The following DICER1 variants were observed in gnomAD, a reference collection of about 807,000 sequenced individuals.
DICER1 encodes endoribonuclease Dicer.
A neutral mutation model predicts 194.1 loss-of-function variants in DICER1; 43 were observed. The observed-to-expected ratio is 0.22, with a 90% confidence interval of 0.17 to 0.29. DICER1 has a LOEUF of 0.29. Ranked by LOEUF, DICER1 falls within the 10% of genes least tolerant of loss-of-function variation. The pLI, the probability that DICER1 is intolerant of heterozygous loss-of-function variation, is 1.00. For missense variants in DICER1, 1,608 were observed against 2,317.0 expected (o/e 0.69, Z 6.28); for synonymous variants, 832 against 820.5 (o/e 1.01, Z -0.24).
chr14:95,116,778 A>G, intron 9 of DICER1, 83 bp from the exon 10 acceptor site: 9 of 1,368,928 alleles, frequency 6.6e-6, no homozygotes, highest in Non-Finnish European at 9.3e-6. Flanking sequence ...GTAAATGACA[A>G]CTGTCATTTC....
rs141723381 is a variant in DICER1, at chr14:95,113,032, G to GA, written c.2040+59dup. Reference sequence around the variant, plus strand: ...ATAACTTGCAAGTCTTAGAAAAGCTGAAAAAATCCACTAATGACACATTTT... The same window carrying GA: ...ATAACTTGCAAGTCTTAGAAAAGCTGAAAAAAATCCACTAATGACACATTTT... On this transcript the variant is annotated intron_variant, in intron 12 of 26. Coordinates refer to ENST00000343455, the MANE Select transcript of DICER1 (RefSeq NM_177438.3). The GA allele has an allele frequency of 0.012, 18,986 of 1,570,100 alleles. 1,922 individuals carry two copies. The African/African-American group carries it at 0.22, about 18-fold the overall frequency.
chr14:95,092,944 C>T (rs757248647), intron 24 of DICER1, among the ~76,000 whole-genome samples: 7 of 152,176 alleles, frequency 4.6e-5, no homozygotes, highest in South Asian at 2.1e-4. Flanking sequence ...AGCACAGAGG[C>T]GCGTTAAAGT....
chr14:95,106,973 C>T (rs1322341786), intron 17 of DICER1, among the ~76,000 whole-genome samples: 5 of 151,826 alleles, frequency 3.3e-5, no homozygotes, highest in Non-Finnish European at 4.4e-5. Flanking sequence ...TTATCTATAA[C>T]GTTTTAGGTA....
chr14:95,123,733 T>C (rs531012829), intron 8 of DICER1, among the ~76,000 whole-genome samples: 19 of 152,200 alleles, frequency 1.2e-4, no homozygotes, highest in Admixed American at 4.6e-4. Flanking sequence ...ATCCATATTT[T>C]TAAGAGAAAA....
rs913199641 is a variant in DICER1, at chr14:95,127,763, C to T, written c.735-1015G>A. Among the ~76,000 whole-genome samples, 14 of 152,248 alleles carry T rather than the reference C, an allele frequency of 9.2e-5. 1 individual carries two copies. The highest frequency in any genetic ancestry group is 1.5e-5 in the Non-Finnish European group (1 of 68,044). ...CCTGTTAGGTCTCAAGAAATGACCA[C>T]AGGGGCTGATATTCAAATAATTTTG... is the stretch of plus-strand genomic sequence containing the variant. On this transcript the variant is annotated intron_variant, in intron 6 of 26. Transcript: ENST00000343455.
chr14:95,105,273 A>G lies in DICER1; in HGVS notation c.3094-27T>C. 2 of 1,598,374 alleles carry G rather than the reference A, an allele frequency of 1.3e-6. No homozygotes were observed. Among genetic ancestry groups the G allele is most frequent in the Non-Finnish European group, 1.7e-6 (2 of 1,165,750 alleles). On this transcript the variant is annotated intron_variant, in intron 19 of 26. Coordinates refer to ENST00000343455, the MANE Select transcript of DICER1 (RefSeq NM_177438.3). The surrounding 1 kb of genome is among the most constrained non-coding windows in gnomAD (Gnocchi z 4.9). ...TTCAAGTAAGGGGAAAAATGGACAG[A>G]TAAATACAAAGCGCACACACAAAAG...
At chr14:95,091,924 A>T (rs931665605) in intron 24 of DICER1, among the ~76,000 whole-genome samples, 2 of 152,244 alleles carry the variant, frequency 1.3e-5, no homozygotes, top group African/African-American at 4.8e-5. Context: ...TATCTGACAT[A>T]GCATGTATGC....
chr14:95,116,830 G>A (rs1046273612), intron 9 of DICER1, 135 bp from the exon 10 acceptor site: 2 of 890,984 alleles, frequency 2.2e-6, no homozygotes, highest in African/African-American at 1.7e-5. Context: ...TTAAGGCCAG[G>A]CTAAAGAAGA....
At chr14:95,134,676 G>C (rs1369521670) in intron 1 of DICER1, among the ~76,000 whole-genome samples, 3 of 152,098 alleles carry the variant, frequency 2.0e-5, no homozygotes, top group African/African-American at 7.2e-5. Context: ...TAATTCTGTT[G>C]ACAAGAATTC....
In DICER1 at chr14:95,105,297, A is replaced by AC; in HGVS notation, c.3094-52_3094-51insG. 1.3e-6 allele frequency: 2 copies of AC among 1,511,284 alleles called. No individual in the cohort carries two copies. Among genetic ancestry groups the AC allele is most frequent in the Non-Finnish European group, 1.8e-6 (2 of 1,091,422 alleles). The allele number at this position is 1,511,284 out of a possible 1,614,324, so 93.6% of individuals were successfully genotyped here. ...GATAAATACAAAGCGCACACACAAA[A>AC]GAAAAAAAAAAAGACCAATTTCACT... On this transcript the variant is annotated intron_variant, in intron 19 of 26. Coordinates refer to ENST00000343455, the MANE Select transcript of DICER1 (RefSeq NM_177438.3). This position sits in a 1 kb window ranked among gnomAD's most constrained non-coding sequence, Gnocchi z 4.9.
intron 17 of DICER1, 147 bp from the exon 18 acceptor site, chr14:95,106,370 A>G: frequency 1.5e-6 from 1 of 672,286 alleles, no homozygotes; most frequent in Non-Finnish European, 2.6e-6. Flanking sequence ...TTCCAAATAT[A>G]TTTCAAGTAT....
In DICER1 at chr14:95,115,712, C is replaced by G. The variant is rs1369399401; in HGVS notation, c.1862G>C (p.Gly621Ala). 1 of 1,614,014 alleles carries G rather than the reference C, an allele frequency of 6.2e-7. No homozygotes were observed. Among genetic ancestry groups the G allele is most frequent in the Non-Finnish European group, 8.5e-7 (1 of 1,180,020 alleles). ...FPPYVLRPDD[G>A]GPRVTINTAI... Reference sequence around the variant, plus strand: ...CGTGTTGATTGTGACTCGTGGACCACCATCGTCAGGCCTCAACACATATGG... The same window carrying G: ...CGTGTTGATTGTGACTCGTGGACCAGCATCGTCAGGCCTCAACACATATGG... Residue 621 changes from glycine (G) to alanine (A), a missense_variant, in exon 11 of 27, where the codon GGT (glycine) becomes GCT (alanine). Gly to Ala is a moderately conservative substitution (Grantham distance 60, BLOSUM62 0). This residue lies in a region of DICER1 where 657 missense variants were observed against 910.1 expected (regional missense o/e 0.72). Transcript: ENST00000343455.
chr14:95,138,267 A>C (rs1894560107), intron 1 of DICER1, among the ~76,000 whole-genome samples: 1 of 151,762 alleles, frequency 6.6e-6, no homozygotes, highest in Non-Finnish European at 1.5e-5. Context: ...AAACTTTCAC[A>C]GGGTTTAGAA....
At position 95,105,959 on chromosome 14, in the gene DICER1, G is replaced by A. The variant is rs1277795885; in HGVS notation, c.2987+82C>T. On this transcript the variant is annotated intron_variant, in intron 18 of 26. Transcript: ENST00000343455. The surrounding 1 kb of genome is among the most constrained non-coding windows in gnomAD (Gnocchi z 4.9). ...CAGATAGTCCACGGGTGGGCAGGGGGACAGTGAACCTCTGCATGTCTAGTG... is the reference window on the plus strand; with the variant it reads ...CAGATAGTCCACGGGTGGGCAGGGGAACAGTGAACCTCTGCATGTCTAGTG... 1.1e-5 allele frequency: 16 copies of A among 1,494,792 alleles called. No homozygotes were observed. Among genetic ancestry groups the A allele is most frequent in the Non-Finnish European group, 1.5e-5 (16 of 1,071,802 alleles). 92.6% of individuals were successfully genotyped at this position (1,494,792 alleles called of 1,614,324 possible).
In DICER1 at chr14:95,115,674, T is replaced by C. The variant is rs752853448; in HGVS notation, c.1900A>G (p.Ile634Val). The change falls in exon 11 of 27, where the codon ATC (isoleucine) becomes GTC (valine). Residue 634 changes from isoleucine to valine, a missense_variant. By Grantham distance (29) the Ile-to-Val change is conservative (BLOSUM62 3). Around this residue, in one of 10 missense-constraint regions of DICER1, gnomAD observed 657 missense variants for 910.1 expected, o/e 0.72. Transcript: ENST00000343455. ...AATGATATGATGCCATACCTATTGA[T>C]GTGTCCAATGGCCGTGTTGATTGTG... Reference protein sequence around the residue: ...RVTINTAIGHINRYCARLPSD... With the variant: ...RVTINTAIGHVNRYCARLPSD... 2.5e-6 allele frequency: 4 copies of C among 1,614,186 alleles called. No homozygotes were observed. The highest frequency in any genetic ancestry group is 3.3e-5 in the Admixed American group (2 of 60,020).
In DICER1 at chr14:95,112,239, T is replaced by G. The variant is rs368736189; in HGVS notation, c.2049A>C (p.Pro683=). The G allele has an allele frequency of 9.3e-6, 15 of 1,613,924 alleles. No homozygotes were observed. Among genetic ancestry groups the G allele is most frequent in the Non-Finnish European group, 1.3e-5 (15 of 1,179,962 alleles). ...TTTCAGCCAATCGTACACAGCTCAT[T>G]GGTGGACCCTGAAAATAACAAAAAC... ...SPLRASIVGP[P]MSCVRLAERV... Residue 683 remains proline (P), a synonymous_variant, in exon 13 of 27, where the codon CCA becomes CCC. Coordinates refer to ENST00000343455, the MANE Select transcript of DICER1 (RefSeq NM_177438.3).
chr14:95,150,974 C>T (rs907818456), intron 1 of DICER1, among the ~76,000 whole-genome samples: 2 of 152,178 alleles, frequency 1.3e-5, no homozygotes, highest in African/African-American at 2.4e-5. Context: ...AGAGATCCTC[C>T]TGCCTTGGCC....
At chr14:95,134,166 A>G (rs1894184068) in intron 1 of DICER1, among the ~76,000 whole-genome samples, 1 of 152,194 alleles carries the variant, frequency 6.6e-6, no homozygotes, top group African/African-American at 2.4e-5. Flanking sequence ...TTGACAACCT[A>G]TTATAAATGC....
At position 95,088,074 on chromosome 14, in the gene DICER1, G is replaced by T. The variant is rs1889482682; in HGVS notation, c.*2424C>A. 4.3e-6 allele frequency: 1 copy of T among 232,624 alleles called. No homozygotes were observed. Among genetic ancestry groups the T allele is most frequent in the Non-Finnish European group, 8.5e-6 (1 of 117,580 alleles). The allele number at this position is 232,624 out of a possible 1,614,324, so 14.4% of individuals were successfully genotyped here. ...TTTATTTTTTAACTCAGTAACCAGG[G>T]GATCACAGAATGCTTCAAACTGTGA... On this transcript the variant is annotated 3_prime_UTR_variant, in exon 27 of 27. Coordinates refer to ENST00000343455, the MANE Select transcript of DICER1 (RefSeq NM_177438.3).
Sources: allele counts gnomAD v4.1 joint callset (sites outside exome capture counted in the v4.1 genomes callset), GRCh38; gene constraint gnomAD v4.1.1; regional missense constraint gnomAD v4.1.1; non-coding constraint Gnocchi (gnomAD v3.1); transcripts MANE v1.5; gene names NCBI Gene and HGNC (gene_info 2026-07-23, HGNC 2026-07-21).